Variants in ZBTB38 observed in about 807,000 individuals in gnomAD.
ZBTB38 encodes zinc finger and BTB domain-containing protein 38.
In ZBTB38, 20 loss-of-function variants were observed where a neutral mutation model predicts 76.8. The observed-to-expected ratio is 0.26, with a 90% CI of 0.18 to 0.38. ZBTB38 has a LOEUF of 0.38. Ranked by LOEUF, ZBTB38 falls within the 10% of genes least tolerant of loss-of-function variation. The pLI, the probability that ZBTB38 is intolerant of heterozygous loss-of-function variation, is 1.00. For missense variants in ZBTB38, 1,082 were observed against 1,482.3 expected (o/e 0.73, Z 4.43); for synonymous variants, 504 against 544.2 (o/e 0.93, Z 1.03).
At chr3:141,423,734 CA>C (rs1316018897) in intron 5 of ZBTB38, among the ~76,000 whole-genome samples, 2 of 152,152 alleles carry the variant, frequency 1.3e-5, no homozygotes, top group African/African-American at 4.8e-5. Context: ...TGCCAAATCC[CA>C]AAGTGAACCC....
At chr3:141,356,239 A>G (rs543776405) in intron 1 of ZBTB38, among the ~76,000 whole-genome samples, 1 of 152,206 alleles carries the variant, frequency 6.6e-6, no homozygotes, top group Non-Finnish European at 1.5e-5. Flanking sequence ...AGGAAATGGC[A>G]ATTTGTTAGG....
At chr3:141,440,323 T>A (rs1322889105) in intron 5 of ZBTB38, among the ~76,000 whole-genome samples, 1 of 152,224 alleles carries the variant, frequency 6.6e-6, no homozygotes, top group Non-Finnish European at 1.5e-5. Context: ...AGAAAGGTAC[T>A]TTTTTCCTAT....
Position 141,443,903 on chromosome 3 carries a change from G to T in ZBTB38, c.1515G>T (p.Arg505Ser). 1 of 1,614,084 alleles carries T rather than the reference G, an allele frequency of 6.2e-7. No homozygotes were observed. Among genetic ancestry groups the T allele is most frequent in the Non-Finnish European group, 8.5e-7 (1 of 1,180,030 alleles). ...KVFALAEYRT[R>S]HEIWHTGERR... is the part of the protein sequence containing the mutation. Reference sequence around the variant, plus strand: ...TTGCATTGGCTGAGTACAGGACAAGGCATGAAATTTGGCATACGGGAGAAA... The same window carrying T: ...TTGCATTGGCTGAGTACAGGACAAGTCATGAAATTTGGCATACGGGAGAAA... Residue 505 changes from arginine to serine, a missense_variant, in exon 6 of 6, where the codon AGG (arginine) becomes AGT (serine). By Grantham distance (110) the Arg-to-Ser change is moderately radical (BLOSUM62 -1). Coordinates refer to ENST00000321464, the MANE Select transcript of ZBTB38 (RefSeq NM_001376113.1). This position sits in a 1 kb window ranked among gnomAD's most constrained non-coding sequence, Gnocchi z 5.6.
chr3:141,370,542 G>C lies in ZBTB38; in HGVS notation c.-235+596G>C, dbSNP rs914085449. Among the ~76,000 whole-genome samples, 33 of 152,294 alleles carry C rather than the reference G, an allele frequency of 2.2e-4. 1 individual carries two copies. Among genetic ancestry groups the C allele is most frequent in the Admixed American group, 2.0e-3 (31 of 15,302 alleles). ...TAAAAGAAACTTGGAGATACTCAAG[G>C]ATAAAGTTGCATAGAAACAGTGGGA... On this transcript the variant is annotated intron_variant, in intron 2 of 5. Coordinates refer to ENST00000321464, the MANE Select transcript of ZBTB38 (RefSeq NM_001376113.1).
In ZBTB38 at chr3:141,443,738, G is replaced by A. The variant is rs1278959404; in HGVS notation, c.1350G>A (p.Met450Ile). ...TGSTLPDTDH[M>I]VKFVNGQMLY... is the part of the protein sequence containing the mutation. Reference sequence around the variant, plus strand: ...GTACTTTGCCAGACACGGACCACATGGTTAAATTTGTTAATGGGCAAATGC... The same window carrying A: ...GTACTTTGCCAGACACGGACCACATAGTTAAATTTGTTAATGGGCAAATGC... The change falls in exon 6 of 6, where the codon ATG becomes ATA. Residue 450 changes from methionine to isoleucine, a missense_variant. Met to Ile is a conservative substitution (Grantham distance 10). Around this residue, in one of 8 missense-constraint regions of ZBTB38, gnomAD observed 324 missense variants for 359.1 expected, o/e 0.90. Transcript: ENST00000321464. The surrounding 1 kb of genome is among the most constrained non-coding windows in gnomAD (Gnocchi z 5.6). The A allele has an allele frequency of 6.2e-7, 1 of 1,613,918 alleles. No individual in the cohort carries two copies. The highest frequency in any genetic ancestry group is 1.1e-5 in the South Asian group (1 of 91,080).
At chr3:141,426,269 C>A in intron 5 of ZBTB38, 3 of 1,083,452 alleles carry the variant, frequency 2.8e-6, no homozygotes, top group Non-Finnish European at 3.7e-6. Context: ...CTGCCCAGAC[C>A]CTGTCTCCCA....
At chr3:141,336,450 G>A (rs1943018656) in intron 1 of ZBTB38, among the ~76,000 whole-genome samples, 1 of 152,068 alleles carries the variant, frequency 6.6e-6, no homozygotes, top group African/African-American at 2.4e-5. Flanking sequence ...ACCAAAGACA[G>A]AAAAACACCT....
intron 1 of ZBTB38, among the ~76,000 whole-genome samples, chr3:141,356,942 A>T (rs968258600): frequency 6.6e-6 from 1 of 152,240 alleles, no homozygotes; most frequent in African/African-American, 2.4e-5. Flanking sequence ...TATAAATGTA[A>T]TATCTGTTCA....
intron 1 of ZBTB38, among the ~76,000 whole-genome samples, chr3:141,360,691 C>T (rs987319848): frequency 1.3e-5 from 2 of 152,260 alleles, no homozygotes; most frequent in East Asian, 1.9e-4. Context: ...AGGATTTCTT[C>T]ACCTCGGCAC....
intron 4 of ZBTB38, chr3:141,389,820 T>C (rs988993933): frequency 3.9e-5 from 6 of 152,248 alleles, no homozygotes; most frequent in Non-Finnish European, 8.8e-5. Flanking sequence ...TGTTTTACCA[T>C]TAAAATGAAT....
At chr3:141,430,076 T>C (rs748853884) in intron 5 of ZBTB38, among the ~76,000 whole-genome samples, 7 of 152,156 alleles carry the variant, frequency 4.6e-5, no homozygotes, top group Non-Finnish European at 1.0e-4. Flanking sequence ...TTTTGTTTTG[T>C]TTTTTTGAGA....
At chr3:141,363,211 C>T (rs1943869139) in intron 1 of ZBTB38, among the ~76,000 whole-genome samples, 1 of 152,146 alleles carries the variant, frequency 6.6e-6, no homozygotes, top group South Asian at 2.1e-4. Flanking sequence ...AAGACTTGTA[C>T]ACTGAAAACA....
upstream of ZBTB38, among the ~76,000 whole-genome samples, chr3:141,364,384 T>TA (rs1943900074): frequency 7.1e-6 from 1 of 141,314 alleles, no homozygotes; most frequent in African/African-American, 2.6e-5. Flanking sequence ...ACTGAAAACT[T>TA]TAAAAAAAAA....
intron 5 of ZBTB38, among the ~76,000 whole-genome samples, chr3:141,412,425 A>G (rs1399435309): frequency 6.6e-6 from 1 of 152,068 alleles, no homozygotes; most frequent in Non-Finnish European, 1.5e-5. Flanking sequence ...GTTTTCTAAA[A>G]TGAAAGCACA....
At chr3:141,435,623 G>C (rs763473148) in intron 5 of ZBTB38, among the ~76,000 whole-genome samples, 1 of 151,982 alleles carries the variant, frequency 6.6e-6, no homozygotes, top group African/African-American at 2.4e-5. Context: ...AGCCAGGCAC[G>C]GTGGCACACA....
At chr3:141,361,875 T>C (rs905727374) in intron 1 of ZBTB38, among the ~76,000 whole-genome samples, 1 of 152,224 alleles carries the variant, frequency 6.6e-6, no homozygotes. Flanking sequence ...ATGAGTTGTT[T>C]ATACACCTCA....
At position 141,443,705 on chromosome 3, in the gene ZBTB38, T is replaced by G; in HGVS notation, c.1317T>G (p.Ser439Arg). The change falls in exon 6 of 6, where the codon AGT (serine) becomes AGG (arginine). Residue 439 changes from serine to arginine, a missense_variant. Around this residue, in one of 8 missense-constraint regions of ZBTB38, gnomAD observed 324 missense variants for 359.1 expected, o/e 0.90. Coordinates refer to ENST00000321464, the MANE Select transcript of ZBTB38 (RefSeq NM_001376113.1). The surrounding 1 kb of genome is among the most constrained non-coding windows in gnomAD (Gnocchi z 5.6). ...AAAATAGGATTGGTGAATTTTCCAG[T>G]ACCGGAAGTACTTTGCCAGACACGG... The part of the protein sequence containing the change: ...LSENRIGEFS[S>R]TGSTLPDTDH... 6.2e-7 allele frequency: 1 copy of G among 1,614,080 alleles called. No individual in the cohort carries two copies. Among genetic ancestry groups the G allele is most frequent in the South Asian group, 1.1e-5 (1 of 91,086 alleles).
chr3:141,331,402 G>A (rs1942847344), intron 1 of ZBTB38, among the ~76,000 whole-genome samples: 1 of 152,186 alleles, frequency 6.6e-6, no homozygotes, highest in Non-Finnish European at 1.5e-5. Context: ...GCCCTAATAT[G>A]TCACCATCAA....
Position 141,431,323 on chromosome 3 carries a change from C to CAAA in ZBTB38, c.1-11049_1-11047dup, listed in dbSNP as rs71976494. Reference sequence around the variant, plus strand: ...GGGGGACAAGAGCGAGACTTCGTCTCAAAAAAAAAAAAAAAAAAATATATA... The same window carrying CAAA: ...GGGGGACAAGAGCGAGACTTCGTCTCAAAAAAAAAAAAAAAAAAAAAATATATA... On this transcript the variant is annotated intron_variant, in intron 5 of 5. Coordinates refer to ENST00000321464, the MANE Select transcript of ZBTB38 (RefSeq NM_001376113.1). Among the ~76,000 whole-genome samples the CAAA allele has an allele frequency of 3.4e-4, 34 of 101,372 alleles. 1 individual carries two copies. Among genetic ancestry groups the CAAA allele is most frequent in the African/African-American group, 1.3e-3 (27 of 20,614 alleles). The allele number at this position is 101,372 out of a possible 152,430, so 66.5% of individuals were successfully genotyped here.
Sources: gnomAD v4.1 joint callset for allele counts (sites outside exome capture counted in the v4.1 genomes callset) on GRCh38, gnomAD v4.1.1 for gene constraint, gnomAD v4.1.1 regional missense constraint, Gnocchi (gnomAD v3.1) non-coding constraint, MANE v1.5 for transcripts, NCBI Gene and HGNC (gene_info 2026-07-23, HGNC 2026-07-21) for gene names.